The following SYNPO variants were observed in gnomAD, a reference collection of about 807,000 sequenced individuals.
SYNPO encodes synaptopodin.
A neutral mutation model predicts 49.5 loss-of-function variants in SYNPO; 19 were observed. The observed-to-expected ratio is 0.38, with a 90% CI of 0.27 to 0.56. The LOEUF (loss-of-function observed/expected upper bound fraction) is 0.56, where lower values mean the gene tolerates loss of function less well. SYNPO is among the 20% of genes least tolerant of loss of function. The pLI, the probability that SYNPO is intolerant of heterozygous loss-of-function variation, is 0.68. For missense variants in SYNPO, 1,131 were observed against 1,248.3 expected (o/e 0.91, Z 1.42); for synonymous variants, 536 against 548.0 (o/e 0.98, Z 0.31).
At chr5:150,654,098 G>A (rs1367532146) in intron 2 of SYNPO, 5 of 152,146 alleles carry the variant, frequency 3.3e-5, no homozygotes, top group Admixed American at 6.6e-5. Flanking sequence ...TCACTGATTG[G>A]ATGAAAGAAT....
upstream of SYNPO, among the ~76,000 whole-genome samples, chr5:150,598,490 T>C (rs1756464681): frequency 2.0e-5 from 3 of 152,236 alleles, no homozygotes; most frequent in Admixed American, 6.5e-5. Flanking sequence ...ACCAGCTTTC[T>C]GGGGTTGTCA....
At chr5:150,604,294 C>G (rs921275397) in intron 1 of SYNPO, among the ~76,000 whole-genome samples, 1 of 152,206 alleles carries the variant, frequency 6.6e-6, no homozygotes, top group Non-Finnish European at 1.5e-5. Flanking sequence ...AACTGCGTCC[C>G]AAAGAAACAT....
At chr5:150,621,000 T>A (rs920266992) in intron 2 of SYNPO, among the ~76,000 whole-genome samples, 2 of 149,244 alleles carry the variant, frequency 1.3e-5, no homozygotes, top group African/African-American at 4.9e-5. Flanking sequence ...TCGCCCAGGC[T>A]GGAGTGCAGT....
In SYNPO at chr5:150,649,911, C is replaced by T; in HGVS notation, c.1636C>T (p.His546Tyr). The change falls in exon 2 of 3, where the codon CAT becomes TAT. Residue 546 changes from histidine to tyrosine, a missense_variant. Around this residue, in one of 4 missense-constraint regions of SYNPO, gnomAD observed 602 missense variants for 720.7 expected, o/e 0.84. Transcript: ENST00000307662. ...PARTPPASLYHGYLPENGVLR... is the reference protein window; with the variant it reads ...PARTPPASLYYGYLPENGVLR... ...CCGGACCCCGCCTGCCTCCCTCTACCATGGCTACCTGCCTGAGAACGGGGT... is the reference window on the plus strand; with the variant it reads ...CCGGACCCCGCCTGCCTCCCTCTACTATGGCTACCTGCCTGAGAACGGGGT... The T allele has an allele frequency of 6.2e-7, 1 of 1,611,766 alleles. No individual in the cohort carries two copies. Among genetic ancestry groups the T allele is most frequent in the Non-Finnish European group, 8.5e-7 (1 of 1,179,992 alleles).
chr5:150,651,933 G>C, intron 2 of SYNPO: 1 of 1,000,508 alleles, frequency 1.0e-6, no homozygotes. Context: ...TCAGATGGAA[G>C]CTTCGCAAGG....
intron 1 of SYNPO, among the ~76,000 whole-genome samples, chr5:150,608,934 G>C (rs1340081651): frequency 6.6e-6 from 1 of 152,210 alleles, no homozygotes; most frequent in Non-Finnish European, 1.5e-5. Flanking sequence ...CTCCACAGAT[G>C]AAAGATTGGA....
chr5:150,619,901 AC>A (rs1472631862), intron 2 of SYNPO, among the ~76,000 whole-genome samples: 1 of 151,886 alleles, frequency 6.6e-6, no homozygotes, highest in Non-Finnish European at 1.5e-5. Flanking sequence ...GCAAGAAAGG[AC>A]CTTTAATCCC....
At chr5:150,646,982 C>T (rs571902626) in intron 1 of SYNPO, among the ~76,000 whole-genome samples, 45 of 152,274 alleles carry the variant, frequency 3.0e-4, no homozygotes, top group African/African-American at 1.1e-3. Flanking sequence ...GTGGCTCACG[C>T]CTGTAATCCC....
chr5:150,642,747 T>C (rs1757955195), intron 1 of SYNPO, among the ~76,000 whole-genome samples: 1 of 152,224 alleles, frequency 6.6e-6, no homozygotes, highest in Non-Finnish European at 1.5e-5. Context: ...TGAATTCCTT[T>C]TCCATGGAGT....
chr5:150,596,697 C>A (rs545918057), upstream of SYNPO, among the ~76,000 whole-genome samples: 107 of 152,230 alleles, frequency 7.0e-4, no homozygotes, highest in African/African-American at 1.8e-3. Context: ...GCCCAGGGTA[C>A]CTTCTTGAGG....
chr5:150,623,338 C>A (rs1290253968), intron 2 of SYNPO, among the ~76,000 whole-genome samples: 1 of 152,156 alleles, frequency 6.6e-6, no homozygotes, highest in East Asian at 1.9e-4. Context: ...TTCTTTTCCA[C>A]ATCTCTTTCT....
rs1339565317 is a variant in SYNPO at position 150,658,921 on chromosome 5, C to G, written c.*1834C>G. ...CAAAGCCCCTACCTGCTGCTGGGTCCCTTGTAGCACAGGAGACTGGGGCTA... is the reference window on the plus strand; with the variant it reads ...CAAAGCCCCTACCTGCTGCTGGGTCGCTTGTAGCACAGGAGACTGGGGCTA... On this transcript the variant is annotated 3_prime_UTR_variant, in exon 3 of 3. Coordinates refer to ENST00000307662, the MANE Select transcript of SYNPO (RefSeq NM_007286.6). 6.6e-6 allele frequency: 1 copy of G among 152,330 alleles called. No homozygotes were observed. The highest frequency in any genetic ancestry group is 1.5e-5 in the Non-Finnish European group (1 of 68,060). The allele number at this position is 152,330 out of a possible 1,614,324, so 9.4% of individuals were successfully genotyped here. A position where few individuals can be genotyped will look rare whatever the true frequency, so the allele number is the denominator to read the frequency against.
the SYNPO span, among the ~76,000 whole-genome samples, chr5:150,594,201 C>T: frequency 2.6e-5 from 4 of 152,046 alleles, no homozygotes; most frequent in Admixed American, 6.5e-5. Flanking sequence ...GCGTGGAAGG[C>T]GGCAGGGGAG....
At chr5:150,603,778 G>A (rs998028018) in intron 1 of SYNPO, among the ~76,000 whole-genome samples, 1 of 152,328 alleles carries the variant, frequency 6.6e-6, no homozygotes, top group African/African-American at 2.4e-5. Context: ...GACATGCAGT[G>A]TGACCCTAGG....
intron 1 of SYNPO, among the ~76,000 whole-genome samples, chr5:150,606,860 A>G (rs1286589559): frequency 1.3e-5 from 2 of 151,502 alleles, no homozygotes; most frequent in Admixed American, 6.6e-5. Context: ...CCTGCCCCCA[A>G]CTCCTGAGCC....
intron 2 of SYNPO, chr5:150,618,771 A>G (rs1200288487): frequency 6.4e-7 from 1 of 1,551,026 alleles, no homozygotes; most frequent in Non-Finnish European, 8.7e-7. Flanking sequence ...AAACCAGGTA[A>G]GCTTGTGTTC....
upstream of SYNPO, among the ~76,000 whole-genome samples, chr5:150,637,208 T>C (rs1037448761): frequency 6.6e-6 from 1 of 152,020 alleles, no homozygotes; most frequent in Non-Finnish European, 1.5e-5. Context: ...GGGCTGTCTG[T>C]GGGAGGAGCG....
the SYNPO span, among the ~76,000 whole-genome samples, chr5:150,590,677 C>A: frequency 6.6e-6 from 1 of 152,210 alleles, no homozygotes; most frequent in African/African-American, 2.4e-5. Flanking sequence ...TCAGCTTTTT[C>A]CTCTCTAAAA....
chr5:150,626,677 G>A (rs1328139941), intron 2 of SYNPO, among the ~76,000 whole-genome samples: 2 of 152,178 alleles, frequency 1.3e-5, no homozygotes, highest in African/African-American at 4.8e-5. Flanking sequence ...TCAAACCTGT[G>A]GCATTCAGGC....
Sources: allele counts gnomAD v4.1 joint callset (sites outside exome capture counted in the v4.1 genomes callset), GRCh38; gene constraint gnomAD v4.1.1; regional missense constraint gnomAD v4.1.1; transcripts MANE v1.5; gene names NCBI Gene and HGNC (gene_info 2026-07-23, HGNC 2026-07-21).